CDH7: variants seen among roughly 807,000 people sequenced by gnomAD.
CDH7 encodes cadherin 7, also known as cadherin-7.
Under a neutral mutation model 71.8 loss-of-function variants are expected in CDH7, and 25 were observed. The ratio of observed to expected loss-of-function variants is 0.35; its 90% confidence interval spans 0.25 to 0.49. CDH7 has a LOEUF of 0.49. CDH7 is among the 20% of genes least tolerant of loss of function. The pLI is 0.99. For synonymous variants in CDH7, 381 were observed against 363.8 expected (o/e 1.05, Z -0.54); for missense variants, 862 against 974.6 (o/e 0.88, Z 1.54).
At chr18:65,808,625 C>T (rs779608363) in intron 2 of CDH7, among the ~76,000 whole-genome samples, 21 of 152,152 alleles carry the variant, frequency 1.4e-4, no homozygotes, top group Non-Finnish European at 2.8e-4. Flanking sequence ...AAGGCAATGT[C>T]CTCAACAGCT....
chr18:65,762,810 T>G lies in CDH7; in HGVS notation c.-33T>G. ...TGCCTTTTCTCTTGTCAAGGTTTTT[T>G]TCTTACACAGGAAAAAGAAAGAAAA... On this transcript the variant is annotated 5_prime_UTR_variant, in exon 2 of 12. Transcript: ENST00000397968. 2 of 1,588,722 alleles carry G rather than the reference T, an allele frequency of 1.3e-6. No homozygotes were observed. Among genetic ancestry groups the G allele is most frequent in the South Asian group, 1.1e-5 (1 of 87,654 alleles).
chr18:65,821,923 C>A lies in CDH7; in HGVS notation c.626-158C>A, dbSNP rs4941359. Among the ~76,000 whole-genome samples the A allele has an allele frequency of 0.98, 148,742 of 152,262 alleles. 72,734 individuals carry two copies. The highest frequency in any genetic ancestry group is 1 in the East Asian group (5,190 of 5,190). On this transcript the variant is annotated intron_variant, in intron 4 of 11. Coordinates refer to ENST00000397968, the MANE Select transcript of CDH7 (RefSeq NM_004361.5). ...TTTTGTAACATTGTGTAAAACTATC[C>A]TATTTCTTTGGTCTTTAATACACAG...
At chr18:65,797,996 A>C (rs941778702) in intron 2 of CDH7, among the ~76,000 whole-genome samples, 1 of 152,188 alleles carries the variant, frequency 6.6e-6, no homozygotes, top group Non-Finnish European at 1.5e-5. Context: ...TGAATTATTC[A>C]GTAGTGTAGT....
rs1912063713 is a variant in CDH7 at position 65,824,740 on chromosome 18, T to C, written c.890T>C (p.Met297Thr). Residue 297 changes from methionine to threonine, a missense_variant, in exon 6 of 12, where the codon ATG becomes ACG. Transcript: ENST00000397968. The stretch of plus-strand genomic sequence containing the variant: ...GCAGATATTGGAGCTAATGCTGAAA[T>C]GGAGTACAAGATTGTGGATGGTGAT... The part of the protein sequence containing the change: ...ADADIGANAE[M>T]EYKIVDGDGL... 1 of 1,612,708 alleles carries C rather than the reference T, an allele frequency of 6.2e-7. No individual in the cohort carries two copies. The highest frequency in any genetic ancestry group is 2.2e-5 in the East Asian group (1 of 44,828).
At chr18:65,845,286 T>C (rs987823954) in intron 7 of CDH7, among the ~76,000 whole-genome samples, 2 of 150,208 alleles carry the variant, frequency 1.3e-5, no homozygotes, top group Admixed American at 1.3e-4. Context: ...AAAAGTGAAA[T>C]CATATGTATT....
intron 2 of CDH7, among the ~76,000 whole-genome samples, chr18:65,771,795 C>G (rs1916551128): frequency 6.6e-6 from 1 of 152,074 alleles, no homozygotes; most frequent in Admixed American, 6.5e-5. Context: ...ACCTTCTGTC[C>G]TTTTGCCATG....
At chr18:65,855,163 C>T (rs568310034) in intron 7 of CDH7, among the ~76,000 whole-genome samples, 2 of 152,044 alleles carry the variant, frequency 1.3e-5, no homozygotes, top group African/African-American at 4.8e-5. Flanking sequence ...CTACTGTCCC[C>T]TGTCCTGGAG....
intron 2 of CDH7, among the ~76,000 whole-genome samples, chr18:65,790,892 C>G (rs1282822494): frequency 6.6e-6 from 1 of 152,072 alleles, no homozygotes; most frequent in Non-Finnish European, 1.5e-5. Context: ...ATAAAACAAA[C>G]AAACAAAAGG....
chr18:65,799,170 G>A (rs1911023775), intron 2 of CDH7, among the ~76,000 whole-genome samples: 2 of 152,004 alleles, frequency 1.3e-5, no homozygotes, highest in Non-Finnish European at 2.9e-5. Context: ...ACTAACAGAA[G>A]CCCCCATTAG....
chr18:65,884,232 C>T lies in CDH7; in HGVS notation c.*3338C>T, dbSNP rs951311341. The T allele has an allele frequency of 1.1e-4, 17 of 152,058 alleles. No individual in the cohort carries two copies. The highest frequency in any genetic ancestry group is 4.1e-4 in the African/African-American group (17 of 41,386). 9.4% of individuals were successfully genotyped at this position (152,058 alleles called of 1,614,324 possible). A position where few individuals can be genotyped will look rare whatever the true frequency, so the allele number is the denominator to read the frequency against. ...CAAGCCTAAATTATCAATCTCAATT[C>T]ACAAATTAGTCTCTGAAAGAAATAT... On this transcript the variant is annotated 3_prime_UTR_variant, in exon 12 of 12. Transcript: ENST00000397968.
chr18:65,752,236 A>G (rs1208738616), intron 1 of CDH7, among the ~76,000 whole-genome samples: 2 of 152,284 alleles, frequency 1.3e-5, no homozygotes, highest in African/African-American at 4.8e-5. Flanking sequence ...ACAAAAAATA[A>G]GAGAAAAATG....
At position 65,759,753 on chromosome 18, in the gene CDH7, G is replaced by A. The variant is rs116183135; in HGVS notation, c.-196-2894G>A. Among the ~76,000 whole-genome samples, 1,175 of 152,270 alleles carry A rather than the reference G, an allele frequency of 7.7e-3. 15 individuals carry two copies. The highest frequency in any genetic ancestry group is 0.027 in the African/African-American group (1,126 of 41,528). ...GAGCAATCCAAGGTCGTACAAAGTGGTGGAGCTTGTAGGACAATGAGTCCT... is the reference window on the plus strand; with the variant it reads ...GAGCAATCCAAGGTCGTACAAAGTGATGGAGCTTGTAGGACAATGAGTCCT... On this transcript the variant is annotated intron_variant, in intron 1 of 11. Transcript: ENST00000397968.
intron 6 of CDH7, among the ~76,000 whole-genome samples, chr18:65,840,756 T>A (rs545758785): frequency 6.6e-6 from 1 of 152,268 alleles, no homozygotes; most frequent in Non-Finnish European, 1.5e-5. Flanking sequence ...CTCTTTCTTT[T>A]GTAAATTGCC....
chr18:65,786,684 CTTTCTCTTTT>C (rs1277369336), intron 2 of CDH7, among the ~76,000 whole-genome samples: 1 of 152,008 alleles, frequency 6.6e-6, no homozygotes, highest in Admixed American at 6.6e-5. Flanking sequence ...CTCTCTCTCT[CTTTCTCTTTT>C]TTTCTTTGAG....
At chr18:65,863,048 T>A (rs1913634886) in intron 11 of CDH7, 131 bp downstream of exon 11, 1 of 1,084,548 alleles carries the variant, frequency 9.2e-7, no homozygotes, top group Admixed American at 2.4e-5. Context: ...TTTGTTTTGT[T>A]TTTCTTTGAG....
intron 7 of CDH7, among the ~76,000 whole-genome samples, chr18:65,849,565 A>G (rs920040469): frequency 5.3e-5 from 8 of 151,498 alleles, no homozygotes; most frequent in African/African-American, 1.9e-4. Context: ...GGCATCCGCC[A>G]CCACACCTGG....
At chr18:65,778,529 CTTTTTT>C (rs1156727313) in intron 2 of CDH7, among the ~76,000 whole-genome samples, 63 of 84,326 alleles carry the variant, frequency 7.5e-4, no homozygotes, top group Non-Finnish European at 1.3e-3. Flanking sequence ...GCGTCTCACT[CTTTTTT>C]TTTTTTTTTT....
chr18:65,768,215 C>A (rs935323074), intron 2 of CDH7, among the ~76,000 whole-genome samples: 1 of 114,314 alleles, frequency 8.7e-6, no homozygotes. Context: ...AGTCTATATG[C>A]GTTGTTGTTT....
chr18:65,880,083 T>C (rs554831525), intron 11 of CDH7, among the ~76,000 whole-genome samples: 4 of 152,360 alleles, frequency 2.6e-5, no homozygotes, highest in Admixed American at 6.5e-5. Context: ...TTCCTGGCTT[T>C]GAAATGATTA....
Sources: allele counts gnomAD v4.1 joint callset (sites outside exome capture counted in the v4.1 genomes callset), GRCh38; gene constraint gnomAD v4.1.1; transcripts MANE v1.5; gene names NCBI Gene and HGNC (gene_info 2026-07-23, HGNC 2026-07-21).